The following NKAIN2 variants were observed in gnomAD, a reference collection of about 807,000 sequenced individuals.
NKAIN2 encodes sodium/potassium transporting ATPase interacting 2.
A neutral mutation model predicts 32.6 loss-of-function variants in NKAIN2; 14 were observed. The observed-to-expected ratio is 0.43, with a 90% CI of 0.28 to 0.67. The LOEUF (loss-of-function observed/expected upper bound fraction) is 0.67. Among genes scored for constraint, NKAIN2 ranks in the 30% least tolerant of loss-of-function variants. The probability of loss-of-function intolerance (pLI) is 0.17; values close to 1 mark genes in which losing one functional copy is unlikely to be tolerated. For synonymous variants in NKAIN2, 80 were observed against 87.2 expected (o/e 0.92, Z 0.46); for missense variants, 198 against 258.3 (o/e 0.77, Z 1.60).
At chr6:124,067,485 A>G (rs1385759695) in intron 1 of NKAIN2, among the ~76,000 whole-genome samples, 1 of 152,190 alleles carries the variant, frequency 6.6e-6, no homozygotes, top group Non-Finnish European at 1.5e-5. Flanking sequence ...AATAAATGCC[A>G]GAAATAGAAG....
At chr6:124,345,650 A>T (rs1798383845) in intron 2 of NKAIN2, among the ~76,000 whole-genome samples, 1 of 151,692 alleles carries the variant, frequency 6.6e-6, no homozygotes, top group South Asian at 2.1e-4. Flanking sequence ...CTCTGATGGT[A>T]GTTTGTATTT....
chr6:124,670,322 C>T lies in NKAIN2; in HGVS notation c.474+11936C>T, dbSNP rs1773035509. 3.3e-5 allele frequency among the ~76,000 whole-genome samples: 5 copies of T among 152,154 alleles called. 1 individual carries two copies. The South Asian group carries it at 1.0e-3, about 32-fold the overall frequency. On this transcript the variant is annotated intron_variant, in intron 4 of 6. Transcript: ENST00000368417. ...GTTGATTGGCATGACTCATTATCATCACTCTTCCCTCTGTACAGATGAGTT... is the reference window on the plus strand; with the variant it reads ...GTTGATTGGCATGACTCATTATCATTACTCTTCCCTCTGTACAGATGAGTT...
At position 124,358,698 on chromosome 6, in the gene NKAIN2, C is replaced by A. The variant is rs1262248169; in HGVS notation, c.273+3351C>A. Reference sequence around the variant, plus strand: ...CCCTTTGTCAGATGAGTAGATTGCACAAATTTTCTCCCATGTTGTAGGTTG... The same window carrying A: ...CCCTTTGTCAGATGAGTAGATTGCAAAAATTTTCTCCCATGTTGTAGGTTG... On this transcript the variant is annotated intron_variant, in intron 3 of 6. Coordinates refer to ENST00000368417, the MANE Select transcript of NKAIN2 (RefSeq NM_001040214.3). Among the ~76,000 whole-genome samples the A allele has an allele frequency of 5.5e-3, 821 of 150,630 alleles. 7 individuals are homozygous for A. The highest frequency in any genetic ancestry group is 0.019 in the African/African-American group (779 of 40,066).
chr6:124,431,878 A>G (rs1775231860), intron 3 of NKAIN2, among the ~76,000 whole-genome samples: 1 of 152,194 alleles, frequency 6.6e-6, no homozygotes, highest in Non-Finnish European at 1.5e-5. Context: ...AACAGCAACA[A>G]CAACAAAAAA....
intron 2 of NKAIN2, among the ~76,000 whole-genome samples, chr6:124,354,841 T>TAAC (rs1395863731): frequency 2.1e-5 from 2 of 95,386 alleles, no homozygotes; most frequent in African/African-American, 8.7e-5. Flanking sequence ...TCCATAACAG[T>TAAC]AAGAAAAAAA....
At chr6:123,932,156 T>C (rs1329786145) in intron 1 of NKAIN2, among the ~76,000 whole-genome samples, 1 of 152,134 alleles carries the variant, frequency 6.6e-6, no homozygotes, top group Non-Finnish European at 1.5e-5. Context: ...GCTGCTCTTT[T>C]CCCCCGGCTT....
chr6:123,992,574 A>C (rs1045430050), intron 1 of NKAIN2, among the ~76,000 whole-genome samples: 2 of 152,238 alleles, frequency 1.3e-5, no homozygotes, highest in South Asian at 4.1e-4. Context: ...AGAATAACAA[A>C]TATTTACTGA....
chr6:124,803,508 G>A (rs947763402), intron 5 of NKAIN2, among the ~76,000 whole-genome samples: 1 of 152,000 alleles, frequency 6.6e-6, no homozygotes, highest in Non-Finnish European at 1.5e-5. Flanking sequence ...TAATATACAA[G>A]GCCATTTCCA....
intron 1 of NKAIN2, among the ~76,000 whole-genome samples, chr6:123,831,362 T>G (rs1435590976): frequency 6.6e-6 from 1 of 151,726 alleles, no homozygotes; most frequent in Non-Finnish European, 1.5e-5. Flanking sequence ...ATCTTTTATA[T>G]AGCCATGATT....
intron 1 of NKAIN2, among the ~76,000 whole-genome samples, chr6:124,218,666 A>G (rs1791616156): frequency 6.6e-6 from 1 of 152,210 alleles, no homozygotes; most frequent in African/African-American, 2.4e-5. Context: ...ATTGTTTTTT[A>G]GAGAGTTGAT....
intron 1 of NKAIN2, among the ~76,000 whole-genome samples, chr6:123,914,326 TGA>T (rs916004400): frequency 1.4e-4 from 20 of 148,006 alleles, no homozygotes; most frequent in African/African-American, 4.7e-4. Flanking sequence ...GGAGAAAAGA[TGA>T]GAGAGAGGGA....
chr6:124,380,084 G>A (rs1219659726), intron 3 of NKAIN2, among the ~76,000 whole-genome samples: 2 of 152,128 alleles, frequency 1.3e-5, no homozygotes, highest in African/African-American at 4.8e-5. Context: ...GAAGAAATGT[G>A]CTCCATTGTT....
At chr6:123,944,062 C>T (rs544963409) in intron 1 of NKAIN2, among the ~76,000 whole-genome samples, 6 of 152,066 alleles carry the variant, frequency 3.9e-5, no homozygotes, top group South Asian at 2.1e-4. Context: ...TAGGGAATAA[C>T]TCTGGTTTCT....
chr6:123,885,540 C>G (rs1773672671), intron 1 of NKAIN2, among the ~76,000 whole-genome samples: 1 of 152,004 alleles, frequency 6.6e-6, no homozygotes, highest in South Asian at 2.1e-4. Flanking sequence ...TGAAAATATT[C>G]TGGCATAAAT....
At chr6:124,053,016 G>T (rs985725196) in intron 1 of NKAIN2, among the ~76,000 whole-genome samples, 1 of 152,062 alleles carries the variant, frequency 6.6e-6, no homozygotes, top group African/African-American at 2.4e-5. Context: ...AGATGTGGAT[G>T]AGGGAGGAAG....
At position 124,158,662 on chromosome 6, in the gene NKAIN2, C is replaced by T. The variant is rs192151252; in HGVS notation, c.55-124343C>T. Reference sequence around the variant, plus strand: ...GCACCTTGGAATTTAACTGCAATCCCCAGCTTGGTACTTAAATCCCCTTGA... The same window carrying T: ...GCACCTTGGAATTTAACTGCAATCCTCAGCTTGGTACTTAAATCCCCTTGA... On this transcript the variant is annotated intron_variant, in intron 1 of 6. Transcript: ENST00000368417. Among the ~76,000 whole-genome samples the T allele has an allele frequency of 1.8e-3, 269 of 152,264 alleles. 1 individual carries two copies. The highest frequency in any genetic ancestry group is 0.01 in the Middle Eastern group (3 of 294).
Position 124,256,885 on chromosome 6 carries a change from G to GTTTTT in NKAIN2, c.55-26100_55-26096dup, listed in dbSNP as rs568654193. On this transcript the variant is annotated intron_variant, in intron 1 of 6. Coordinates refer to ENST00000368417, the MANE Select transcript of NKAIN2 (RefSeq NM_001040214.3). ...ACAATGTTTCAATTAGCTTTCTGTT[G>GTTTTT]TTTTTTTTTTTTTTTTTTTTTTTTG... 9.1e-3 allele frequency among the ~76,000 whole-genome samples: 687 copies of GTTTTT among 75,754 alleles called. 11 individuals carry two copies. The highest frequency in any genetic ancestry group is 0.01 in the African/African-American group (214 of 20,784). The allele number at this position is 75,754 out of a possible 152,430, so 49.7% of individuals were successfully genotyped here. A position where few individuals can be genotyped will look rare whatever the true frequency, so the allele number is the denominator to read the frequency against.
chr6:124,689,936 G>A (rs2114534799), intron 4 of NKAIN2, among the ~76,000 whole-genome samples: 1 of 152,120 alleles, frequency 6.6e-6, no homozygotes, highest in Non-Finnish European at 1.5e-5. Context: ...TGTCTGTTCT[G>A]AGTCTTTTCC....
chr6:124,681,781 AGAAAATCTTC>A (rs1407811577), intron 4 of NKAIN2, among the ~76,000 whole-genome samples: 1 of 152,120 alleles, frequency 6.6e-6, no homozygotes, highest in African/African-American at 2.4e-5. Context: ...CTTCTATGTG[AGAAAATCTTC>A]TATGTTTCTG....
Sources: allele counts gnomAD v4.1 joint callset (sites outside exome capture counted in the v4.1 genomes callset), GRCh38; gene constraint gnomAD v4.1.1; transcripts MANE v1.5; gene names NCBI Gene and HGNC (gene_info 2026-07-23, HGNC 2026-07-21).